GPC5: variants seen among roughly 807,000 people sequenced by gnomAD.
GPC5 encodes the protein glypican-5.
In GPC5, 47 loss-of-function variants were observed where a neutral mutation model predicts 53.9. The ratio of observed to expected loss-of-function variants is 0.87; its 90% CI spans 0.69 to 1.11. The LOEUF (loss-of-function observed/expected upper bound fraction) is 1.11, where lower values mean the gene tolerates loss of function less well. GPC5 is among the 50% of genes most tolerant of loss of function. GPC5 has a pLI of 0.00. For missense variants in GPC5, 748 were observed against 713.1 expected, an observed-to-expected ratio of 1.05 and a Z score of -0.56; for synonymous variants, 286 against 263.3, an observed-to-expected ratio of 1.09 and a Z score of -0.84.
At chr13:92,045,623 T>G (rs756456943) in intron 6 of GPC5, among the ~76,000 whole-genome samples, 2 of 152,172 alleles carry the variant, frequency 1.3e-5, no homozygotes, top group Non-Finnish European at 2.9e-5. Flanking sequence ...ATAGACCACT[T>G]TCATGGTACT....
intron 6 of GPC5, among the ~76,000 whole-genome samples, chr13:91,926,747 G>T (rs1398767666): frequency 1.3e-5 from 2 of 152,128 alleles, no homozygotes; most frequent in East Asian, 3.8e-4. Context: ...GTGAACAAAT[G>T]CAGGAAAATA....
At chr13:92,219,983 CTTTG>C (rs575362054) in intron 7 of GPC5, among the ~76,000 whole-genome samples, 121 of 152,240 alleles carry the variant, frequency 7.9e-4, no homozygotes, top group Middle Eastern at 3.4e-3. Flanking sequence ...TCTTTCCTTG[CTTTG>C]TTTGTGCTTT....
chr13:92,775,583 C>G (rs900949477), intron 7 of GPC5, among the ~76,000 whole-genome samples: 5 of 152,158 alleles, frequency 3.3e-5, no homozygotes, highest in African/African-American at 1.2e-4. Context: ...TGATTATCAA[C>G]TGATCATACC....
chr13:92,174,449 C>G (rs1286375425), intron 7 of GPC5, among the ~76,000 whole-genome samples: 2 of 151,238 alleles, frequency 1.3e-5, no homozygotes, highest in Non-Finnish European at 2.9e-5. Flanking sequence ...GCAGGAGAAC[C>G]GCGTGAACCC....
intron 2 of GPC5, among the ~76,000 whole-genome samples, chr13:91,533,071 G>A (rs1001459378): frequency 6.6e-6 from 1 of 152,180 alleles, no homozygotes; most frequent in Non-Finnish European, 1.5e-5. Context: ...TTGAGAATCT[G>A]AAGTTAGATG....
chr13:92,206,042 CAAA>C (rs58237718), intron 7 of GPC5, among the ~76,000 whole-genome samples: 44,324 of 88,880 alleles, frequency 0.5, 6,919 homozygotes, highest in Middle Eastern at 0.66. Flanking sequence ...GACTCCATCT[CAAA>C]AAAAAAAAAA....
chr13:92,847,358 T>TCCTCGC (rs1049339802), intron 7 of GPC5, among the ~76,000 whole-genome samples: 2 of 152,174 alleles, frequency 1.3e-5, no homozygotes, highest in Admixed American at 6.5e-5. Flanking sequence ...TGGATTTGTG[T>TCCTCGC]CCTCGCCCAA....
At chr13:91,548,271 T>G (rs1486851592) in intron 2 of GPC5, among the ~76,000 whole-genome samples, 1 of 152,170 alleles carries the variant, frequency 6.6e-6, no homozygotes, top group Non-Finnish European at 1.5e-5. Context: ...GGCAAGGATG[T>G]AGGACGCAAG....
chr13:91,696,837 A>G (rs2035889088), intron 3 of GPC5, among the ~76,000 whole-genome samples: 1 of 152,238 alleles, frequency 6.6e-6, no homozygotes, highest in African/African-American at 2.4e-5. Context: ...TTTTATTAAG[A>G]CAAAGTTTGA....
At chr13:92,166,727 A>G (rs1457252677) in intron 7 of GPC5, among the ~76,000 whole-genome samples, 1 of 152,144 alleles carries the variant, frequency 6.6e-6, no homozygotes. Context: ...CTTATGAGGG[A>G]AGGGCTGTTT....
At chr13:91,533,576 C>T (rs1164892352) in intron 2 of GPC5, among the ~76,000 whole-genome samples, 2 of 151,942 alleles carry the variant, frequency 1.3e-5, no homozygotes, top group Non-Finnish European at 2.9e-5. Context: ...TGAAATGCTA[C>T]ACAAGATAGA....
chr13:92,002,574 A>G (rs2040565017), intron 6 of GPC5, among the ~76,000 whole-genome samples: 1 of 152,224 alleles, frequency 6.6e-6, no homozygotes. Flanking sequence ...TGTTACAAAG[A>G]CTGGAAACAT....
At chr13:91,399,670 C>T (rs1446785408) in intron 1 of GPC5, among the ~76,000 whole-genome samples, 2 of 152,134 alleles carry the variant, frequency 1.3e-5, no homozygotes, top group Non-Finnish European at 2.9e-5. Flanking sequence ...TACCCCTTTG[C>T]TGGAGAATGG....
chr13:91,458,122 G>T (rs192571947), intron 2 of GPC5, among the ~76,000 whole-genome samples: 78 of 152,166 alleles, frequency 5.1e-4, no homozygotes, highest in African/African-American at 1.8e-3. Context: ...AATTTGAAGA[G>T]AGTGAAGGAG....
At chr13:91,787,240 G>T (rs1439033447) in intron 5 of GPC5, among the ~76,000 whole-genome samples, 1 of 152,116 alleles carries the variant, frequency 6.6e-6, no homozygotes, top group Non-Finnish European at 1.5e-5. Flanking sequence ...ATGTTGAATA[G>T]AAGTGGTTAG....
chr13:92,585,205 G>T (rs568549170), intron 7 of GPC5, among the ~76,000 whole-genome samples: 1 of 152,226 alleles, frequency 6.6e-6, no homozygotes, highest in South Asian at 2.1e-4. Context: ...AAAAGCCACA[G>T]ACACTCAACA....
At chr13:92,818,006 T>C (rs1298032400) in intron 7 of GPC5, among the ~76,000 whole-genome samples, 3 of 147,262 alleles carry the variant, frequency 2.0e-5, no homozygotes, top group Non-Finnish European at 3.0e-5. Context: ...TTGCCTAAAT[T>C]GCATTTTTTT....
intron 7 of GPC5, among the ~76,000 whole-genome samples, chr13:92,326,652 A>T (rs2043253488): frequency 1.3e-5 from 2 of 152,146 alleles, no homozygotes; most frequent in African/African-American, 4.8e-5. Flanking sequence ...CTTCTACTAT[A>T]ATAACTGGTC....
At chr13:92,801,723 G>A (rs1313405953) in intron 7 of GPC5, among the ~76,000 whole-genome samples, 1 of 151,500 alleles carries the variant, frequency 6.6e-6, no homozygotes, top group Non-Finnish European at 1.5e-5. Flanking sequence ...CTAGGCTAAT[G>A]TGCATGTTTT....
Sources: allele counts gnomAD v4.1 joint callset (sites outside exome capture counted in the v4.1 genomes callset), GRCh38; gene constraint gnomAD v4.1.1; transcripts MANE v1.5; gene names NCBI Gene and HGNC (gene_info 2026-07-23, HGNC 2026-07-21).